The following ABL2 variants were observed in gnomAD, a reference collection of about 807,000 sequenced individuals.
The protein encoded by ABL2 is ABL proto-oncogene 2, non-receptor tyrosine kinase.
A neutral mutation model predicts 107.7 loss-of-function variants in ABL2; 49 were observed. The ratio of observed to expected loss-of-function variants is 0.45; its 90% CI spans 0.36 to 0.58. The LOEUF (loss-of-function observed/expected upper bound fraction) is 0.58, where lower values mean the gene tolerates loss of function less well. Among genes scored for constraint, ABL2 ranks in the 20% least tolerant of loss-of-function variants. ABL2 has a pLI of 0.00. For synonymous variants in ABL2, 549 were observed against 548.6 expected (o/e 1.00, Z -0.01); for missense variants, 1,245 against 1,457.0 (o/e 0.85, Z 2.37).
intron 1 of ABL2, among the ~76,000 whole-genome samples, chr1:179,170,294 A>G (rs995671664): frequency 2.6e-5 from 4 of 151,792 alleles, no homozygotes; most frequent in African/African-American, 9.7e-5. Context: ...AAAAGATCCC[A>G]CCTCCTACTA....
intron 10 of ABL2, 200 bp from the exon 11 acceptor site, chr1:179,110,655 T>G (rs1404908929): frequency 6.5e-7 from 1 of 1,545,668 alleles, no homozygotes. Flanking sequence ...CGCTGCTGCA[T>G]GTGGCAGGGG....
At chr1:179,128,451 A>G (rs1471862717) in intron 3 of ABL2, among the ~76,000 whole-genome samples, 1 of 152,170 alleles carries the variant, frequency 6.6e-6, no homozygotes. Context: ...CTTTGTATAT[A>G]TATCTATATA....
chr1:179,199,441 C>T (rs1420406091), intron 1 of ABL2, among the ~76,000 whole-genome samples: 1 of 152,144 alleles, frequency 6.6e-6, no homozygotes. Context: ...AACCTCACAT[C>T]AAACAATAAA....
chr1:179,229,208 C>CCCCCCCCCCCCCCAGA, intron 1 of ABL2, 33 bp downstream of exon 1: 1 of 1,488,056 alleles, frequency 6.7e-7, no homozygotes, highest in Non-Finnish European at 9.0e-7. Flanking sequence ...CGGCCTCCCC[C>CCCCCCCCCCCCCCAGA]ACGCTCTCAT....
chr1:179,131,477 A>G lies in ABL2; in HGVS notation c.225T>C (p.Ala75=). Reference sequence around the variant, plus strand: ...CATCACAACCATAGGGACGATGCAAAGCTTCTGAAAGACATAAGAAGGGAA... The same window carrying G: ...CATCACAACCATAGGGACGATGCAAGGCTTCTGAAAGACATAAGAAGGGAA... The part of the protein sequence containing the change: ...GDKTGGSSPE[A]LHRPYGCDVE... Residue 75 remains alanine, a synonymous_variant, in exon 3 of 12, where the codon GCT becomes GCC. Transcript: ENST00000502732. 1 of 1,613,474 alleles carries G rather than the reference A, an allele frequency of 6.2e-7. No homozygotes were observed. Among genetic ancestry groups the G allele is most frequent in the Non-Finnish European group, 8.5e-7 (1 of 1,179,466 alleles).
chr1:179,161,344 C>A (rs1254888056), intron 1 of ABL2, among the ~76,000 whole-genome samples: 2 of 144,058 alleles, frequency 1.4e-5, no homozygotes, highest in Non-Finnish European at 3.0e-5. Context: ...ACAGGGATAC[C>A]CTACCTCAAA....
intron 1 of ABL2, chr1:179,184,408 G>C: frequency 1.0e-6 from 1 of 957,926 alleles, no homozygotes; most frequent in South Asian, 1.5e-5. Context: ...AAAGCCAGCA[G>C]GAAGAGGCAG....
At chr1:179,202,841 T>TGAA (rs766788676) in intron 1 of ABL2, among the ~76,000 whole-genome samples, 27 of 152,172 alleles carry the variant, frequency 1.8e-4, no homozygotes, top group Non-Finnish European at 3.8e-4. Context: ...GAAATAAATG[T>TGAA]GAAGTAAGTT....
chr1:179,205,109 C>A (rs1210073176), intron 1 of ABL2, among the ~76,000 whole-genome samples: 1 of 151,638 alleles, frequency 6.6e-6, no homozygotes, highest in African/African-American at 2.4e-5. Flanking sequence ...TCACTGCAAC[C>A]TGTGCCTCCT....
rs1412475964 is a variant in ABL2, at chr1:179,105,917, C to T, written c.*1801G>A. 2 of 223,220 alleles carry T rather than the reference C, an allele frequency of 9.0e-6. No homozygotes were observed. The highest frequency in any genetic ancestry group is 1.8e-5 in the Non-Finnish European group (2 of 111,896). The allele number at this position is 223,220 out of a possible 1,614,324, so 13.8% of individuals were successfully genotyped here. On this transcript the variant is annotated 3_prime_UTR_variant, in exon 12 of 12. Transcript: ENST00000502732. Reference sequence around the variant, plus strand: ...GCATAACAACACTGCACTAAAAGAGCTTTCCAGAGAGGCTCTCCAAGGGAT... The same window carrying T: ...GCATAACAACACTGCACTAAAAGAGTTTTCCAGAGAGGCTCTCCAAGGGAT...
Position 179,117,437 on chromosome 1 carries a change from T to G in ABL2, c.1303A>C (p.Thr435Pro). ...GCATGAGCAGTATAAGTGTCTCCAG[T>G]CATCAATCTACTTAAGCCAAAGTCA... ...VADFGLSRLMTGDTYTAHAGA... is the reference protein window; with the variant it reads ...VADFGLSRLMPGDTYTAHAGA... The change falls in exon 8 of 12, where the codon ACT becomes CCT. Residue 435 changes from threonine (T) to proline (P), a missense_variant. Thr to Pro is a conservative substitution (Grantham distance 38). This residue lies in a region of ABL2 where 320 missense variants were observed against 547.0 expected (regional missense o/e 0.59). Coordinates refer to ENST00000502732, the MANE Select transcript of ABL2 (RefSeq NM_007314.4). The G allele has an allele frequency of 6.2e-7, 1 of 1,614,186 alleles. No homozygotes were observed. The highest frequency in any genetic ancestry group is 8.5e-7 in the Non-Finnish European group (1 of 1,180,034).
At position 179,108,084 on chromosome 1, in the gene ABL2, G is replaced by A. The variant is rs774908275; in HGVS notation, c.3183C>T (p.Gly1061=). ...SSISPAKMAN[G]TAGTKVALRK... is the part of the protein sequence containing the mutation. Reference sequence around the variant, plus strand: ...TCAGAGCCACTTTAGTACCTGCTGTGCCATTGGCCATTTTGGCTGGCGAGA... The same window carrying A: ...TCAGAGCCACTTTAGTACCTGCTGTACCATTGGCCATTTTGGCTGGCGAGA... The change falls in exon 12 of 12, where the codon GGC becomes GGT. Residue 1061 remains glycine, a synonymous_variant. Transcript: ENST00000502732. 17 of 1,614,238 alleles carry A rather than the reference G, an allele frequency of 1.1e-5. No homozygotes were observed. In the South Asian group the frequency reaches 1.5e-4, roughly 15 times the overall value.
intron 1 of ABL2, among the ~76,000 whole-genome samples, chr1:179,169,878 A>C (rs965481105): frequency 9.2e-5 from 14 of 152,122 alleles, no homozygotes; most frequent in African/African-American, 2.6e-4. Flanking sequence ...AACATTAAAA[A>C]ATTGGCTGGG....
chr1:179,184,542 G>C, intron 1 of ABL2: 1 of 581,146 alleles, frequency 1.7e-6, no homozygotes, highest in Non-Finnish European at 3.1e-6. Context: ...CTTGGTTACC[G>C]ACTGATATGG....
rs143880679 is a variant in ABL2 at position 179,152,563 on chromosome 1, C to T, written c.158-19189G>A. On this transcript the variant is annotated intron_variant, in intron 1 of 11. Coordinates refer to ENST00000502732, the MANE Select transcript of ABL2 (RefSeq NM_007314.4). ...CTGTGTGTGTGCATGTGCATGTGTG[C>T]GTTTGTGTTTGTGTGTAAGTAAATA... Among the ~76,000 whole-genome samples, 6 of 152,146 alleles carry T rather than the reference C, an allele frequency of 3.9e-5. No homozygotes were observed. In the East Asian group the frequency reaches 7.7e-4, roughly 20 times the overall value.
At chr1:179,214,424 C>T (rs555557664) in intron 1 of ABL2, among the ~76,000 whole-genome samples, 9 of 150,976 alleles carry the variant, frequency 6.0e-5, no homozygotes, top group Admixed American at 3.3e-4. Flanking sequence ...TAACCACATA[C>T]ACATACACAC....
chr1:179,112,217 A>C, intron 10 of ABL2, 92 bp downstream of exon 10: 3 of 1,139,590 alleles, frequency 2.6e-6, no homozygotes, highest in Non-Finnish European at 2.6e-6. Flanking sequence ...AACTCCACAA[A>C]AGTTGATCAT....
intron 1 of ABL2, among the ~76,000 whole-genome samples, chr1:179,190,763 C>T (rs768906050): frequency 1.3e-5 from 2 of 152,098 alleles, no homozygotes; most frequent in Non-Finnish European, 2.9e-5. Flanking sequence ...CTCTAATCAC[C>T]AGTGAGAGTC....
At chr1:179,185,650 C>A (rs1660643114) in intron 1 of ABL2, among the ~76,000 whole-genome samples, 4 of 151,226 alleles carry the variant, frequency 2.6e-5, no homozygotes, top group Admixed American at 2.6e-4. Flanking sequence ...TTATTTTAAA[C>A]AGAAATTAAA....
Sources: gnomAD v4.1 joint callset for allele counts (sites outside exome capture counted in the v4.1 genomes callset) on GRCh38, gnomAD v4.1.1 for gene constraint, gnomAD v4.1.1 regional missense constraint, MANE v1.5 for transcripts, NCBI Gene and HGNC (gene_info 2026-07-23, HGNC 2026-07-21) for gene names.